PCNX2: variants seen among roughly 807,000 people sequenced by gnomAD.
PCNX2 encodes the protein pecanex 2.
A neutral mutation model predicts 223.8 loss-of-function variants in PCNX2; 168 were observed. That is an observed-to-expected ratio of 0.75 (90% confidence interval 0.66 to 0.85). PCNX2 has a LOEUF of 0.85. PCNX2 is among the 40% of genes least tolerant of loss of function. PCNX2 has a pLI of 0.00. For synonymous variants in PCNX2, 1,006 were observed against 1,052.6 expected (o/e 0.96, Z 0.86); for missense variants, 2,507 against 2,675.5 (o/e 0.94, Z 1.39).
chr1:233,206,574 T>C (rs944656474), intron 13 of PCNX2, among the ~76,000 whole-genome samples: 1 of 152,102 alleles, frequency 6.6e-6, no homozygotes, highest in Non-Finnish European at 1.5e-5. Flanking sequence ...GTAAAAAATA[T>C]CAGGAAGGAT....
At chr1:233,325,689 G>A in the PCNX2 span, among the ~76,000 whole-genome samples, 1 of 152,080 alleles carries the variant, frequency 6.6e-6, no homozygotes, top group Non-Finnish European at 1.5e-5. Flanking sequence ...AACAGATGAG[G>A]AGCGGAGTTG....
chr1:233,196,629 G>C (rs143018042), intron 15 of PCNX2, among the ~76,000 whole-genome samples: 79 of 152,170 alleles, frequency 5.2e-4, no homozygotes, highest in African/African-American at 1.9e-3. Context: ...TTCATTATTG[G>C]AGAAATGCAA....
Position 233,085,837 on chromosome 1 carries a change from C to T in PCNX2, c.4076+4224G>A, listed in dbSNP as rs776532199. Among the ~76,000 whole-genome samples, 30 of 152,238 alleles carry T rather than the reference C, an allele frequency of 2.0e-4. 1 individual carries two copies. Among genetic ancestry groups the T allele is most frequent in the East Asian group, 3.9e-4 (2 of 5,180 alleles). ...ATGTCCAGTTAGTCCCCAGCAGTTC[C>T]GATTCCCTATTTCAGTCCCAGTCAC... On this transcript the variant is annotated intron_variant, in intron 23 of 33. Transcript: ENST00000258229.
intron 25 of PCNX2, chr1:233,033,135 G>T (rs1459554925): frequency 5.1e-6 from 5 of 985,236 alleles, no homozygotes; most frequent in Non-Finnish European, 4.8e-6. Context: ...GTCTCTGTCT[G>T]GTATTTCCAT....
chr1:233,216,225 G>A (rs1028447870), intron 12 of PCNX2, among the ~76,000 whole-genome samples: 9 of 152,280 alleles, frequency 5.9e-5, no homozygotes, highest in African/African-American at 2.2e-4. Flanking sequence ...GGCACTGCCT[G>A]TCCCATAGCA....
intron 21 of PCNX2, among the ~76,000 whole-genome samples, chr1:233,097,693 A>G (rs1358473576): frequency 6.6e-6 from 1 of 152,198 alleles, no homozygotes; most frequent in Admixed American, 6.5e-5. Context: ...ACAAGTTTAC[A>G]TAAAATATAG....
At chr1:233,262,445 A>G (rs559832557) in intron 2 of PCNX2, among the ~76,000 whole-genome samples, 1 of 152,288 alleles carries the variant, frequency 6.6e-6, no homozygotes, top group East Asian at 1.9e-4. Flanking sequence ...GGCATAAGCC[A>G]CCATCTGCAG....
chr1:233,109,663 C>T (rs956857052), intron 21 of PCNX2, among the ~76,000 whole-genome samples: 8 of 152,228 alleles, frequency 5.3e-5, no homozygotes, highest in Admixed American at 3.9e-4. Flanking sequence ...AAACTGCAAA[C>T]ATTACTGAGT....
intron 21 of PCNX2, among the ~76,000 whole-genome samples, 195 bp from the exon 22 acceptor site, chr1:233,096,058 C>A: frequency 6.6e-6 from 1 of 152,200 alleles, no homozygotes; most frequent in African/African-American, 2.4e-5. Flanking sequence ...ATAGGCTGAT[C>A]AGAAGAAATC....
chr1:233,262,547 T>G (rs548553024), intron 2 of PCNX2, among the ~76,000 whole-genome samples: 1 of 152,346 alleles, frequency 6.6e-6, no homozygotes, highest in South Asian at 2.1e-4. Flanking sequence ...GTGAAAAGAA[T>G]GCTAACTCAA....
intron 22 of PCNX2, among the ~76,000 whole-genome samples, chr1:233,092,340 C>T (rs1673912348): frequency 6.6e-6 from 1 of 152,180 alleles, no homozygotes; most frequent in African/African-American, 2.4e-5. Context: ...AGTAGTCTTG[C>T]ATGGTCTCTA....
intron 19 of PCNX2, among the ~76,000 whole-genome samples, chr1:233,153,780 GA>G (rs1677957514): frequency 6.6e-6 from 1 of 152,192 alleles, no homozygotes; most frequent in Non-Finnish European, 1.5e-5. Flanking sequence ...AATGGGGCAG[GA>G]GGGTGGAGTT....
Position 233,025,503 on chromosome 1 carries a change from G to C in PCNX2, c.4352-104C>G, listed in dbSNP as rs557181880. On this transcript the variant is annotated intron_variant, in intron 25 of 33. Transcript: ENST00000258229. Reference sequence around the variant, plus strand: ...TCATCAGAGGGGAAGAGGCTGAAGGGAGTCGAGGAATCAGGAAATTTGTTT... The same window carrying C: ...TCATCAGAGGGGAAGAGGCTGAAGGCAGTCGAGGAATCAGGAAATTTGTTT... 6 of 1,423,120 alleles carry C rather than the reference G, an allele frequency of 4.2e-6. No homozygotes were observed. In the South Asian group the frequency reaches 5.6e-5, roughly 13 times the overall value. The allele number at this position is 1,423,120 out of a possible 1,614,324, so 88.2% of individuals were successfully genotyped here.
intron 1 of PCNX2, among the ~76,000 whole-genome samples, chr1:233,293,405 A>G (rs1199302245): frequency 6.6e-6 from 1 of 152,250 alleles, no homozygotes; most frequent in African/African-American, 2.4e-5. Context: ...ATGTACAAGG[A>G]AAAACCAAGA....
At chr1:233,262,586 T>G (rs376907457) in intron 2 of PCNX2, among the ~76,000 whole-genome samples, 6 of 152,236 alleles carry the variant, frequency 3.9e-5, no homozygotes, top group East Asian at 3.8e-4. Flanking sequence ...CAGTTCTATG[T>G]AATGTATTAC....
At chr1:233,236,322 G>A (rs1658412679) in intron 9 of PCNX2, among the ~76,000 whole-genome samples, 1 of 151,900 alleles carries the variant, frequency 6.6e-6, no homozygotes, top group South Asian at 2.1e-4. Flanking sequence ...AAGGTCGACT[G>A]GATAAATGAA....
At chr1:233,081,219 T>C (rs1040465422) in intron 23 of PCNX2, among the ~76,000 whole-genome samples, 1 of 152,078 alleles carries the variant, frequency 6.6e-6, no homozygotes, top group Non-Finnish European at 1.5e-5. Context: ...TGATGGCAGG[T>C]GCCTGTAATC....
intron 17 of PCNX2, among the ~76,000 whole-genome samples, chr1:233,176,484 C>G (rs1679483481): frequency 6.6e-6 from 1 of 152,204 alleles, no homozygotes; most frequent in Non-Finnish European, 1.5e-5. Context: ...ATGCTCTGAA[C>G]TAAGCATGGT....
intron 12 of PCNX2, among the ~76,000 whole-genome samples, chr1:233,216,438 C>T (rs1392199719): frequency 6.6e-6 from 1 of 152,098 alleles, no homozygotes; most frequent in East Asian, 1.9e-4. Flanking sequence ...AAGAGATTAG[C>T]TTCATGTAAA....
Sources: gnomAD v4.1 joint callset for allele counts (sites outside exome capture counted in the v4.1 genomes callset) on GRCh38, gnomAD v4.1.1 for gene constraint, MANE v1.5 for transcripts, NCBI Gene and HGNC (gene_info 2026-07-23, HGNC 2026-07-21) for gene names.